DLGAP1: variants seen among roughly 807,000 people sequenced by gnomAD.
DLGAP1 encodes DLG associated protein 1.
DLGAP1 carries 11 observed loss-of-function variants against 90.8 expected under a neutral mutation model. The ratio of observed to expected loss-of-function variants is 0.12; its 90% confidence interval spans 0.08 to 0.20. The LOEUF is 0.20. DLGAP1 is among the 10% of genes least tolerant of loss of function. DLGAP1 has a pLI of 1.00. For synonymous variants in DLGAP1, 558 were observed against 540.7 expected (o/e 1.03, Z -0.44); for missense variants, 1,050 against 1,333.8 (o/e 0.79, Z 3.31).
intron 1 of DLGAP1, among the ~76,000 whole-genome samples, chr18:4,303,733 C>T (rs1176401367): frequency 1.3e-5 from 2 of 152,186 alleles, no homozygotes; most frequent in African/African-American, 2.4e-5. Flanking sequence ...TTCAATTATG[C>T]AAAGAGTAAT....
At chr18:4,429,605 G>A (rs1242868464) in intron 1 of DLGAP1, among the ~76,000 whole-genome samples, 1 of 152,188 alleles carries the variant, frequency 6.6e-6, no homozygotes, top group East Asian at 1.9e-4. Context: ...TTAGGACACT[G>A]GGGATGCTTC....
At chr18:4,023,651 G>A (rs1350608699) in intron 2 of DLGAP1, among the ~76,000 whole-genome samples, 1 of 151,890 alleles carries the variant, frequency 6.6e-6, no homozygotes, top group Non-Finnish European at 1.5e-5. Context: ...TGGTCTTCTT[G>A]CTAGAACAAA....
At chr18:4,267,645 C>T (rs1458997021) in intron 1 of DLGAP1, among the ~76,000 whole-genome samples, 1 of 152,100 alleles carries the variant, frequency 6.6e-6, no homozygotes, top group African/African-American at 2.4e-5. Flanking sequence ...ATTATCTCAC[C>T]CAATTTGAGG....
At chr18:4,144,603 A>AT (rs950771824) in intron 2 of DLGAP1, among the ~76,000 whole-genome samples, 70 of 151,764 alleles carry the variant, frequency 4.6e-4, no homozygotes, top group African/African-American at 1.4e-3. Flanking sequence ...TATAAAGGTG[A>AT]TTTTTTTTTG....
intron 2 of DLGAP1, among the ~76,000 whole-genome samples, chr18:4,068,139 A>G (rs563466977): frequency 6.6e-6 from 1 of 151,918 alleles, no homozygotes; most frequent in Non-Finnish European, 1.5e-5. Flanking sequence ...ATTTATTACC[A>G]TATGGCATAC....
intron 7 of DLGAP1, chr18:3,655,987 G>A: frequency 8.6e-7 from 1 of 1,167,704 alleles, no homozygotes; most frequent in South Asian, 1.5e-5. Context: ...TTCGCACATG[G>A]CGTCAAACAC....
At chr18:4,045,014 T>C (rs1420495126) in intron 2 of DLGAP1, among the ~76,000 whole-genome samples, 1 of 152,014 alleles carries the variant, frequency 6.6e-6, no homozygotes, top group Non-Finnish European at 1.5e-5. Flanking sequence ...CAAAGAACAA[T>C]GTCAATCAGA....
chr18:4,273,897 CT>C (rs112634423), intron 1 of DLGAP1, among the ~76,000 whole-genome samples: 33,895 of 151,710 alleles, frequency 0.22, 4,527 homozygotes, highest in African/African-American at 0.38. Context: ...TGTCTTCTCT[CT>C]TTTTTTTCTT....
intron 3 of DLGAP1, among the ~76,000 whole-genome samples, chr18:3,920,650 G>A (rs1339266488): frequency 6.6e-6 from 1 of 152,056 alleles, no homozygotes; most frequent in Non-Finnish European, 1.5e-5. Flanking sequence ...TTCAGTTAGG[G>A]CGAAACTCTC....
At chr18:4,332,486 ATG>A (rs34487571) in intron 1 of DLGAP1, among the ~76,000 whole-genome samples, 1,877 of 47,270 alleles carry the variant, frequency 0.04, 74 homozygotes, top group African/African-American at 0.087. Flanking sequence ...ATAAAAACAC[ATG>A]TTAATGATAG....
chr18:4,365,512 T>C (rs1423169366), intron 1 of DLGAP1, among the ~76,000 whole-genome samples: 1 of 152,120 alleles, frequency 6.6e-6, no homozygotes, highest in Non-Finnish European at 1.5e-5. Context: ...TAAACGTACA[T>C]AAAATCATTG....
chr18:3,652,645 C>T (rs981730379), intron 7 of DLGAP1, among the ~76,000 whole-genome samples: 3 of 152,186 alleles, frequency 2.0e-5, no homozygotes, highest in Admixed American at 6.5e-5. Context: ...ACCCAGCCCT[C>T]ATTTATTTGA....
chr18:3,569,751 C>T (rs897848159), intron 8 of DLGAP1, among the ~76,000 whole-genome samples: 6 of 151,906 alleles, frequency 3.9e-5, no homozygotes, highest in Admixed American at 2.6e-4. Context: ...TTAACTAATT[C>T]GCCTTTTTTA....
At chr18:3,719,039 A>C (rs372766484) in intron 7 of DLGAP1, among the ~76,000 whole-genome samples, 34 of 152,210 alleles carry the variant, frequency 2.2e-4, no homozygotes, top group African/African-American at 8.2e-4. Context: ...TTTCTAAATT[A>C]TATTTGACAT....
chr18:4,301,285 C>A (rs1356730529), intron 1 of DLGAP1, among the ~76,000 whole-genome samples: 2 of 152,168 alleles, frequency 1.3e-5, no homozygotes, highest in East Asian at 3.8e-4. Flanking sequence ...ACCACCATTT[C>A]CCCATTACTC....
intron 5 of DLGAP1, among the ~76,000 whole-genome samples, chr18:3,754,277 C>T (rs1290542062): frequency 3.3e-5 from 5 of 152,124 alleles, no homozygotes; most frequent in Non-Finnish European, 5.9e-5. Flanking sequence ...GCTGAAATTA[C>T]ACGCATGAGC....
At chr18:3,508,717 A>C in intron 10 of DLGAP1, 56 bp from the exon 11 acceptor site, 1 of 1,414,252 alleles carries the variant, frequency 7.1e-7, no homozygotes. Flanking sequence ...GTTGAGATTT[A>C]GTCTGGTAAA....
rs1217919533 is a variant in DLGAP1, at chr18:3,498,179, G to C, written c.*1006C>G. The C allele has an allele frequency of 6.6e-6, 1 of 152,204 alleles. No homozygotes were observed. The highest frequency in any genetic ancestry group is 2.4e-5 in the African/African-American group (1 of 41,446). The allele number at this position is 152,204 out of a possible 1,614,324, so 9.4% of individuals were successfully genotyped here. A position where few individuals can be genotyped will look rare whatever the true frequency, so the allele number is the denominator to read the frequency against. On this transcript the variant is annotated 3_prime_UTR_variant, in exon 13 of 13. Transcript: ENST00000315677. ...TGCCATTTACAGCGCTTTATAAGCA[G>C]ATATGTACTTATATATGTGGAATCA...
chr18:4,137,024 A>G (rs910413172), intron 2 of DLGAP1, among the ~76,000 whole-genome samples: 1 of 152,096 alleles, frequency 6.6e-6, no homozygotes, highest in South Asian at 2.1e-4. Context: ...AACATTAGGT[A>G]TATCTCCTAA....
Sources: allele counts gnomAD v4.1 joint callset (sites outside exome capture counted in the v4.1 genomes callset), GRCh38; gene constraint gnomAD v4.1.1; transcripts MANE v1.5; gene names NCBI Gene and HGNC (gene_info 2026-07-23, HGNC 2026-07-21).